Variants in XCR1 observed in about 807,000 individuals in gnomAD.
The protein encoded by XCR1 is chemokine XC receptor 1.
For missense variants in XCR1, 356 were observed against 424.2 expected (o/e 0.84, Z 1.41); for synonymous variants, 187 against 188.5 (o/e 0.99, Z 0.06).
intron 5 of XCR1, among the ~76,000 whole-genome samples, chr3:46,051,078 T>A (rs1697735504): frequency 6.6e-6 from 1 of 152,322 alleles, no homozygotes; most frequent in South Asian, 2.1e-4. Context: ...GCCATTCTAA[T>A]GGTAAGGGCT....
chr3:46,022,126 C>G, intron 1 of XCR1, 148 bp from the exon 2 acceptor site: 1 of 652,674 alleles, frequency 1.5e-6, no homozygotes, highest in Non-Finnish European at 2.5e-6. Flanking sequence ...ATAGTGACAC[C>G]CCTGTCTCTA....
chr3:46,063,462 C>T (rs960986212), intron 4 of XCR1, among the ~76,000 whole-genome samples: 6 of 152,156 alleles, frequency 3.9e-5, no homozygotes, highest in East Asian at 1.9e-4. Flanking sequence ...CTTTTTCCCC[C>T]GACCCCTGAG....
chr3:46,023,219 G>A (rs1430202146), intron 1 of XCR1: 4 of 538,828 alleles, frequency 7.4e-6, no homozygotes, highest in African/African-American at 2.0e-5. Flanking sequence ...GAGAGGACGC[G>A]GCTGCGTCGC....
chr3:46,047,006 A>AT (rs1319045291), intron 5 of XCR1, among the ~76,000 whole-genome samples: 1 of 150,014 alleles, frequency 6.7e-6, no homozygotes, highest in Non-Finnish European at 1.5e-5. Context: ...TGCTGCTGCA[A>AT]TTGCAAGCTT....
intron 1 of XCR1, among the ~76,000 whole-genome samples, chr3:46,080,353 G>T (rs1698335501): frequency 6.6e-6 from 1 of 152,130 alleles, no homozygotes; most frequent in Non-Finnish European, 1.5e-5. Context: ...AGTCCTGAAG[G>T]TTACATCAGA....
chr3:46,038,063 T>C (rs2125896991), intron 5 of XCR1, among the ~76,000 whole-genome samples: 1 of 150,302 alleles, frequency 6.7e-6, no homozygotes, highest in South Asian at 2.1e-4. Context: ...AGTCTTGCTC[T>C]GTCACCCAGG....
chr3:46,043,104 C>T lies in XCR1; in HGVS notation c.-32+10816G>A, dbSNP rs970903544. On this transcript the variant is annotated intron_variant, in intron 5 of 5. Transcript: ENST00000683768. ...CATCTCAATTGATGCACAGAAAGCA[C>T]TTGACAAAATTAAATACCCTTTCAT... Among the ~76,000 whole-genome samples, 4 of 152,102 alleles carry T rather than the reference C, an allele frequency of 2.6e-5. No homozygotes were observed. In the South Asian group the frequency reaches 6.2e-4, roughly 24 times the overall value.
intron 1 of XCR1, among the ~76,000 whole-genome samples, chr3:46,082,832 A>G (rs1031241904): frequency 6.6e-6 from 1 of 152,118 alleles, no homozygotes; most frequent in African/African-American, 2.4e-5. Context: ...TGACTGTAGC[A>G]TGGAGGGATA....
intron 4 of XCR1, among the ~76,000 whole-genome samples, chr3:46,063,952 C>T (rs1698013748): frequency 6.6e-6 from 1 of 152,154 alleles, no homozygotes; most frequent in African/African-American, 2.4e-5. Flanking sequence ...TCACTACAGC[C>T]TTGACCTCCT....
intron 1 of XCR1, among the ~76,000 whole-genome samples, chr3:46,082,241 G>T (rs1279722600): frequency 2.0e-5 from 3 of 152,078 alleles, no homozygotes; most frequent in Admixed American, 1.3e-4. Flanking sequence ...TGTATAACTT[G>T]TTCTTCATGA....
chr3:46,025,069 C>T (rs547896926), intron 1 of XCR1, among the ~76,000 whole-genome samples: 45 of 151,910 alleles, frequency 3.0e-4, no homozygotes, highest in African/African-American at 9.4e-4. Context: ...GCTTTAAATG[C>T]GTGTATTAGA....
chr3:46,043,332 T>G (rs1025169508), intron 5 of XCR1, among the ~76,000 whole-genome samples: 2 of 151,824 alleles, frequency 1.3e-5, no homozygotes, highest in African/African-American at 2.4e-5. Flanking sequence ...TCCCAGCTAC[T>G]CGGCAGGCTG....
At chr3:46,045,714 T>C (rs947878096) in intron 5 of XCR1, among the ~76,000 whole-genome samples, 5 of 152,132 alleles carry the variant, frequency 3.3e-5, no homozygotes, top group Admixed American at 3.3e-4. Context: ...AGGTTAAAAA[T>C]AGCAGATGTT....
upstream of XCR1, chr3:46,027,748 C>A (rs1445124355): frequency 6.6e-6 from 1 of 152,210 alleles, no homozygotes; most frequent in Admixed American, 6.5e-5. Flanking sequence ...TGAACAAATT[C>A]CACTCCTTTT....
chr3:46,074,590 G>T (rs775103169), intron 3 of XCR1, among the ~76,000 whole-genome samples: 34 of 151,920 alleles, frequency 2.2e-4, no homozygotes, highest in Non-Finnish European at 4.7e-4. Context: ...ATGTAACAAT[G>T]CAATTGTACC....
chr3:46,023,656 C>T (rs975381964), intron 1 of XCR1: 10 of 1,380,428 alleles, frequency 7.2e-6, no homozygotes, highest in Non-Finnish European at 9.2e-6. Flanking sequence ...GAAGTACAGC[C>T]CTTCTTCAGA....
At chr3:46,035,802 C>G (rs550580187) in intron 5 of XCR1, among the ~76,000 whole-genome samples, 1 of 152,198 alleles carries the variant, frequency 6.6e-6, no homozygotes, top group Non-Finnish European at 1.5e-5. Context: ...AGGGAAGCAC[C>G]CTGTTTCACT....
At chr3:46,079,115 GA>G (rs1698312464) in intron 1 of XCR1, among the ~76,000 whole-genome samples, 1 of 152,208 alleles carries the variant, frequency 6.6e-6, no homozygotes, top group African/African-American at 2.4e-5. Flanking sequence ...TCATTTTTAA[GA>G]AGTTCCTAAG....
Position 46,021,064 on chromosome 3 carries a change from C to T in XCR1, c.884G>A (p.Arg295His), listed in dbSNP as rs763938452. The T allele has an allele frequency of 1.9e-5, 31 of 1,613,978 alleles. No individual in the cohort carries two copies. In the South Asian group the frequency reaches 3.2e-4, roughly 17 times the overall value. Residue 295 changes from arginine (R) to histidine (H), a missense_variant, in exon 2 of 2, where the codon CGC becomes CAC. Physicochemically the swap from Arg to His is conservative, Grantham distance 29. Coordinates refer to ENST00000309285, the MANE Select transcript of XCR1 (RefSeq NM_001024644.2). The surrounding 1 kb of genome is among the most constrained non-coding windows in gnomAD (Gnocchi z 4.7). ...VLYVFVGVKF[R>H]THLKHVLRQF... The stretch of plus-strand genomic sequence containing the variant: ...CCGGAGAACATGTTTCAGGTGTGTG[C>T]GGAACTTGACCCCCACGAAGACATA...
Sources: gnomAD v4.1 joint callset for allele counts (sites outside exome capture counted in the v4.1 genomes callset) on GRCh38, gnomAD v4.1.1 for gene constraint, Gnocchi (gnomAD v3.1) non-coding constraint, MANE v1.5 for transcripts, NCBI Gene and HGNC (gene_info 2026-07-23, HGNC 2026-07-21) for gene names.